OVCH1: variants seen among roughly 807,000 people sequenced by gnomAD.
OVCH1 encodes the protein ovochymase-1.
In OVCH1, 139 loss-of-function variants were observed where a neutral mutation model predicts 138.4. That is an observed-to-expected ratio of 1.00 (90% CI 0.87 to 1.16). OVCH1 has a LOEUF of 1.16. Ranked by LOEUF, OVCH1 falls within the 50% of genes most tolerant of loss-of-function variation. OVCH1 has a pLI of 0.00. For synonymous variants in OVCH1, 453 were observed against 467.8 expected, an observed-to-expected ratio of 0.97 and a Z score of 0.41; for missense variants, 1,367 against 1,357.9, an observed-to-expected ratio of 1.01 and a Z score of -0.11.
chr12:29,489,648 A>G, exon 6 of OVCH1: 1 of 1,608,384 alleles, frequency 6.2e-7, no homozygotes, highest in Non-Finnish European at 8.5e-7. Flanking sequence ...CCAATCAGGG[A>G]AGCCAGCACA....
intron 8 of OVCH1, among the ~76,000 whole-genome samples, chr12:29,479,338 A>G (rs1307015399): frequency 6.6e-6 from 1 of 152,240 alleles, no homozygotes; most frequent in African/African-American, 2.4e-5. Flanking sequence ...TGAATGGACC[A>G]TACAGCGTAT....
chr12:29,496,378 T>G (rs1943417073), intron 2 of OVCH1, 100 bp from the exon 3 acceptor site: 1 of 1,209,502 alleles, frequency 8.3e-7, no homozygotes, highest in Admixed American at 2.1e-5. Flanking sequence ...TGACATAATA[T>G]TCTTAAAATA....
At chr12:29,493,805 T>G (rs1943338247) in intron 4 of OVCH1, among the ~76,000 whole-genome samples, 1 of 152,232 alleles carries the variant, frequency 6.6e-6, no homozygotes, top group Non-Finnish European at 1.5e-5. Flanking sequence ...TTGTAACCTT[T>G]GAAGGTCTGA....
chr12:29,479,084 C>T (rs899042247), intron 8 of OVCH1, among the ~76,000 whole-genome samples, 116 bp from the exon 10 acceptor site: 6 of 152,038 alleles, frequency 3.9e-5, no homozygotes, highest in Admixed American at 1.3e-4. Context: ...TTATAGAATA[C>T]GAGAAGATAA....
downstream of OVCH1, among the ~76,000 whole-genome samples, chr12:29,409,161 T>C (rs1359089138): frequency 6.6e-6 from 1 of 150,882 alleles, no homozygotes; most frequent in Non-Finnish European, 1.5e-5. Flanking sequence ...GATATCCCCT[T>C]TATCATTTTT....
At chr12:29,456,875 C>T (rs1390855442) in intron 19 of OVCH1, among the ~76,000 whole-genome samples, 2 of 152,116 alleles carry the variant, frequency 1.3e-5, no homozygotes, top group Non-Finnish European at 2.9e-5. Context: ...GGATTTTCAT[C>T]GTTTTAGGTT....
At chr12:29,496,247 C>G (rs765617895) in exon 3 of OVCH1, 1 of 1,608,628 alleles carries the variant, frequency 6.2e-7, no homozygotes, top group East Asian at 2.2e-5. Flanking sequence ...GCTTCCTCCA[C>G]AGAAGTGGTG....
intron 21 of OVCH1, 75 bp from the exon 22 acceptor site, chr12:29,451,644 T>A: frequency 8.4e-7 from 1 of 1,193,308 alleles, no homozygotes; most frequent in Non-Finnish European, 1.2e-6. Flanking sequence ...ATCACAAGAC[T>A]GAAAAATCTA....
intron 25 of OVCH1, among the ~76,000 whole-genome samples, chr12:29,443,152 G>T (rs576121277): frequency 1.1e-3 from 163 of 152,104 alleles, no homozygotes; most frequent in Middle Eastern, 3.4e-3. Flanking sequence ...TGTAAGAAAC[G>T]TTGTTGGACT....
At chr12:29,433,703 A>G in intron 27 of OVCH1, 1 of 1,394,588 alleles carries the variant, frequency 7.2e-7, no homozygotes, top group Non-Finnish European at 9.5e-7. Flanking sequence ...CTCGGTTTAA[A>G]TGTGAGATTT....
chr12:29,473,174 T>TGG, intron 14 of OVCH1, 71 bp from the exon 15 acceptor site: 1 of 1,070,804 alleles, frequency 9.3e-7, no homozygotes, highest in East Asian at 2.6e-5. Context: ...TTGCTTACCC[T>TGG]GGTAAATCAT....
At chr12:29,446,582 A>G (rs1000292558) in intron 22 of OVCH1, among the ~76,000 whole-genome samples, 3 of 152,092 alleles carry the variant, frequency 2.0e-5, no homozygotes, top group Non-Finnish European at 4.4e-5. Context: ...AAGAAATGCT[A>G]GGTTGGAAAA....
chr12:29,452,102 G>A (rs1941812673), intron 21 of OVCH1, among the ~76,000 whole-genome samples: 1 of 152,150 alleles, frequency 6.6e-6, no homozygotes, highest in Admixed American at 6.5e-5. Flanking sequence ...ATGGCCCGCT[G>A]ACTCAGCAAT....
chr12:29,443,520 AAGTC>A lies in OVCH1; in HGVS notation c.3018-24_3018-21del. 6.4e-7 allele frequency: 1 copy of A among 1,565,824 alleles called. No homozygotes were observed. On this transcript the variant is annotated intron_variant, in intron 24 of 27. Transcript: ENST00000318184. ...TGGCAACTATGGCATAGATGAAACA[AAGTC>A]AGAAATTATTTCTAAACAGAATATA...
intron 27 of OVCH1, among the ~76,000 whole-genome samples, chr12:29,432,308 G>A (rs1398200822): frequency 6.6e-6 from 1 of 152,178 alleles, no homozygotes; most frequent in South Asian, 2.1e-4. Context: ...AAGGAAGGCT[G>A]TACCAAAATA....
chr12:29,412,581 A>G (rs1940974734), intron 4 of OVCH1: 1 of 152,210 alleles, frequency 6.6e-6, no homozygotes, highest in Non-Finnish European at 1.5e-5. Flanking sequence ...TAGATGTCAC[A>G]TATATTTGTT....
intron 4 of OVCH1, among the ~76,000 whole-genome samples, chr12:29,492,159 C>T (rs980716771): frequency 7.2e-5 from 11 of 152,032 alleles, no homozygotes; most frequent in African/African-American, 2.7e-4. Context: ...TGGAAAGTCT[C>T]ATTGAGCAGG....
chr12:29,415,618 A>G (rs976830487), intron 3 of OVCH1, among the ~76,000 whole-genome samples: 2 of 152,208 alleles, frequency 1.3e-5, no homozygotes, highest in African/African-American at 2.4e-5. Context: ...CAAGATCTGT[A>G]TGCTGAAAAT....
chr12:29,493,119 C>A (rs752500784), intron 4 of OVCH1, among the ~76,000 whole-genome samples: 4 of 152,032 alleles, frequency 2.6e-5, no homozygotes, highest in Non-Finnish European at 5.9e-5. Flanking sequence ...ATTGAGGAAA[C>A]GAAATTGACA....
Sources: gnomAD v4.1 joint callset for allele counts (sites outside exome capture counted in the v4.1 genomes callset) on GRCh38, gnomAD v4.1.1 for gene constraint, MANE v1.5 for transcripts, NCBI Gene and HGNC (gene_info 2026-07-23, HGNC 2026-07-21) for gene names.